ASXL3: variants seen among roughly 807,000 people sequenced by gnomAD.
ASXL3 encodes the protein ASXL transcriptional regulator 3.
In ASXL3, 34 loss-of-function variants were observed where a neutral mutation model predicts 170.6. The ratio of observed to expected loss-of-function variants is 0.20; its 90% confidence interval spans 0.15 to 0.27. The LOEUF is 0.27. Ranked by LOEUF, ASXL3 falls within the 10% of genes least tolerant of loss-of-function variation. The pLI, the probability that ASXL3 is intolerant of heterozygous loss-of-function variation, is 1.00. For synonymous variants in ASXL3, 1,002 were observed against 989.1 expected, an observed-to-expected ratio of 1.01 and a Z score of -0.24; for missense variants, 2,592 against 2,695.3, an observed-to-expected ratio of 0.96 and a Z score of 0.85.
Position 33,744,871 on chromosome 18 carries a change from G to A in ASXL3, c.5023G>A (p.Ala1675Thr). Reference protein sequence around the residue: ...ALPVKSELHEADKGFRMDTED... With the variant: ...ALPVKSELHETDKGFRMDTED... Reference sequence around the variant, plus strand: ...TCCTGTGAAATCTGAACTTCACGAAGCAGACAAGGGCTTTAGAATGGACAC... The same window carrying A: ...TCCTGTGAAATCTGAACTTCACGAAACAGACAAGGGCTTTAGAATGGACAC... Residue 1675 changes from alanine (A) to threonine (T), a missense_variant, in exon 12 of 12, where the codon GCA becomes ACA. This residue lies in a region of ASXL3 where 2,246 missense variants were observed against 2,219.6 expected (regional missense o/e 1.01). Transcript: ENST00000269197. 1 of 1,614,050 alleles carries A rather than the reference G, an allele frequency of 6.2e-7. No individual in the cohort carries two copies. Among genetic ancestry groups the A allele is most frequent in the Non-Finnish European group, 8.5e-7 (1 of 1,179,906 alleles).
At chr18:33,628,754 TC>T (rs113712548) in intron 2 of ASXL3, among the ~76,000 whole-genome samples, 60,174 of 151,980 alleles carry the variant, frequency 0.4, 12,693 homozygotes, top group Non-Finnish European at 0.48. Flanking sequence ...CAAAAATTTT[TC>T]TATGTGGAAC....
chr18:33,711,106 G>T (rs1443435284), intron 8 of ASXL3, among the ~76,000 whole-genome samples: 1 of 151,990 alleles, frequency 6.6e-6, no homozygotes, highest in Non-Finnish European at 1.5e-5. Flanking sequence ...TGTCATTTTA[G>T]AATGAATGTA....
intron 4 of ASXL3, among the ~76,000 whole-genome samples, chr18:33,658,556 C>A (rs982387763): frequency 6.6e-6 from 1 of 152,104 alleles, no homozygotes; most frequent in African/African-American, 2.4e-5. Flanking sequence ...ATATGTCCTA[C>A]CCATTTTTTC....
chr18:33,677,112 T>G (rs1344532218), intron 7 of ASXL3, among the ~76,000 whole-genome samples: 1 of 152,154 alleles, frequency 6.6e-6, no homozygotes, highest in Non-Finnish European at 1.5e-5. Flanking sequence ...CCGAGGGGGT[T>G]TTAATAAATG....
chr18:33,744,866 A>C lies in ASXL3; in HGVS notation c.5018A>C (p.His1673Pro). ...NVALPVKSEL[H>P]EADKGFRMDT... ...GCTCTTCCTGTGAAATCTGAACTTC[A>C]CGAAGCAGACAAGGGCTTTAGAATG... is the stretch of plus-strand genomic sequence containing the variant. Residue 1673 changes from histidine (H) to proline (P), a missense_variant, in exon 12 of 12, where the codon CAC becomes CCC. His to Pro is a moderately conservative substitution (Grantham distance 77). Around this residue, in one of 4 missense-constraint regions of ASXL3, gnomAD observed 2,246 missense variants for 2,219.6 expected, o/e 1.01. Transcript: ENST00000269197. 6.2e-7 allele frequency: 1 copy of C among 1,614,072 alleles called. No homozygotes were observed. The highest frequency in any genetic ancestry group is 8.5e-7 in the Non-Finnish European group (1 of 1,179,896).
At chr18:33,671,595 T>G (rs1227710159) in intron 6 of ASXL3, among the ~76,000 whole-genome samples, 152 bp from the exon 7 acceptor site, 1 of 152,216 alleles carries the variant, frequency 6.6e-6, no homozygotes, top group African/African-American at 2.4e-5. Flanking sequence ...GCTTCTCTTT[T>G]TATATCCAGT....
rs547501678 is a variant in ASXL3 at position 33,747,485 on chromosome 18, T to C, written c.*890T>C. 1 of 151,904 alleles carries C rather than the reference T, an allele frequency of 6.6e-6. No individual in the cohort carries two copies. The highest frequency in any genetic ancestry group is 2.4e-5 in the African/African-American group (1 of 41,410). The allele number at this position is 151,904 out of a possible 1,614,324, so 9.4% of individuals were successfully genotyped here. ...TGCTGTATATGCACACATAAATGCA[T>C]TGATAATGTAAATATCCTATTCACG... On this transcript the variant is annotated 3_prime_UTR_variant, in exon 12 of 12. Coordinates refer to ENST00000269197, the MANE Select transcript of ASXL3 (RefSeq NM_030632.3).
At chr18:33,634,675 T>A (rs2065738076) in intron 2 of ASXL3, among the ~76,000 whole-genome samples, 1 of 152,160 alleles carries the variant, frequency 6.6e-6, no homozygotes, top group Non-Finnish European at 1.5e-5. Context: ...TTATATCAGT[T>A]TATGCTCTCA....
intron 1 of ASXL3, among the ~76,000 whole-genome samples, chr18:33,587,625 CAT>C (rs2065045340): frequency 6.6e-6 from 1 of 152,074 alleles, no homozygotes; most frequent in Non-Finnish European, 1.5e-5. Context: ...TAGATGGTCA[CAT>C]ATCTTCTCCC....
intron 7 of ASXL3, among the ~76,000 whole-genome samples, chr18:33,682,498 G>GGAATCATC (rs1425366135): frequency 6.6e-6 from 1 of 152,080 alleles, no homozygotes; most frequent in Non-Finnish European, 1.5e-5. Flanking sequence ...CTTGAGTTGT[G>GGAATCATC]GAATCATCCT....
At chr18:33,634,122 G>C (rs1315422675) in intron 2 of ASXL3, among the ~76,000 whole-genome samples, 1 of 152,060 alleles carries the variant, frequency 6.6e-6, no homozygotes, top group Non-Finnish European at 1.5e-5. Flanking sequence ...GTATAATGAT[G>C]TACTTTTGCA....
At chr18:33,661,249 TG>T (rs780154087) in intron 4 of ASXL3, among the ~76,000 whole-genome samples, 27 of 152,118 alleles carry the variant, frequency 1.8e-4, no homozygotes, top group African/African-American at 2.9e-4. Flanking sequence ...TGTTTTTTTT[TG>T]TTTGTTTTTA....
At chr18:33,651,074 T>A (rs1251639597) in intron 4 of ASXL3, among the ~76,000 whole-genome samples, 2 of 152,132 alleles carry the variant, frequency 1.3e-5, no homozygotes, top group East Asian at 3.9e-4. Context: ...ATACCTTGCC[T>A]GGAACCACAG....
intron 2 of ASXL3, among the ~76,000 whole-genome samples, chr18:33,644,278 C>G (rs957881971): frequency 6.6e-6 from 1 of 151,858 alleles, no homozygotes; most frequent in African/African-American, 2.4e-5. Context: ...ACATATCTAA[C>G]TGAGAAAAGG....
intron 2 of ASXL3, among the ~76,000 whole-genome samples, chr18:33,612,543 CTCATTT>C (rs2065352592): frequency 6.6e-6 from 1 of 151,636 alleles, no homozygotes; most frequent in Non-Finnish European, 1.5e-5. Flanking sequence ...TTATTTTTAC[CTCATTT>C]TGTTTAAGAC....
intron 8 of ASXL3, among the ~76,000 whole-genome samples, chr18:33,688,334 G>A (rs748945190): frequency 9.9e-5 from 15 of 152,170 alleles, no homozygotes; most frequent in African/African-American, 2.9e-4. Flanking sequence ...TAGATGCTTC[G>A]TAGGCAATTA....
chr18:33,742,030 C>T (rs16964886), intron 11 of ASXL3, among the ~76,000 whole-genome samples: 3,877 of 152,254 alleles, frequency 0.025, 71 homozygotes, highest in East Asian at 0.069. Flanking sequence ...TGGGTTGGGA[C>T]GTTTACAAAA....
At chr18:33,640,799 A>G (rs956891287) in intron 2 of ASXL3, among the ~76,000 whole-genome samples, 1 of 152,006 alleles carries the variant, frequency 6.6e-6, no homozygotes, top group Non-Finnish European at 1.5e-5. Flanking sequence ...ATTTATATTA[A>G]TAGCACTAAG....
chr18:33,644,488 T>G (rs1318547885), intron 2 of ASXL3, among the ~76,000 whole-genome samples: 1 of 151,456 alleles, frequency 6.6e-6, no homozygotes, highest in East Asian at 1.9e-4. Flanking sequence ...GTTTTTTTTT[T>G]TTTGATCATT....
Sources: allele counts gnomAD v4.1 joint callset (sites outside exome capture counted in the v4.1 genomes callset), GRCh38; gene constraint gnomAD v4.1.1; regional missense constraint gnomAD v4.1.1; transcripts MANE v1.5; gene names NCBI Gene and HGNC (gene_info 2026-07-23, HGNC 2026-07-21).